Variants in TRPC4AP observed in about 807,000 individuals in gnomAD.
The protein encoded by TRPC4AP is transient receptor potential cation channel subfamily C member 4 associated protein.
Under a neutral mutation model 99.0 loss-of-function variants are expected in TRPC4AP, and 45 were observed. The observed-to-expected ratio is 0.45, with a 90% confidence interval of 0.36 to 0.58. TRPC4AP has a LOEUF of 0.58. Among genes scored for constraint, TRPC4AP ranks in the 20% least tolerant of loss-of-function variants. TRPC4AP has a pLI of 0.00. For synonymous variants in TRPC4AP, 408 were observed against 385.8 expected, an observed-to-expected ratio of 1.06 and a Z score of -0.67; for missense variants, 879 against 985.3, an observed-to-expected ratio of 0.89 and a Z score of 1.44.
At chr20:35,084,753 CATATATATGT>C (rs990886979) in intron 1 of TRPC4AP, among the ~76,000 whole-genome samples, 4 of 144,344 alleles carry the variant, frequency 2.8e-5, no homozygotes, top group African/African-American at 1.1e-4. Flanking sequence ...TGTTTATATG[CATATATATGT>C]ATATGTATAT....
At chr20:35,006,367 C>T in intron 15 of TRPC4AP, 68 bp downstream of exon 15, 1 of 1,573,468 alleles carries the variant, frequency 6.4e-7, no homozygotes, top group East Asian at 2.2e-5. Context: ...TAAAGCCTGG[C>T]AGACCAGGAC....
chr20:35,010,507 G>A (rs989004825), intron 11 of TRPC4AP, among the ~76,000 whole-genome samples: 2 of 137,246 alleles, frequency 1.5e-5, no homozygotes, highest in African/African-American at 2.7e-5. Flanking sequence ...CCCCATCCCC[G>A]ACCCCTGCCT....
intron 16 of TRPC4AP, among the ~76,000 whole-genome samples, chr20:35,005,308 G>A (rs2147261882): frequency 6.6e-6 from 1 of 152,324 alleles, no homozygotes; most frequent in East Asian, 1.9e-4. Context: ...AGGAAAAAAA[G>A]GAAACGCGTG....
At chr20:35,092,580 G>A (rs2085105619) in intron 1 of TRPC4AP, 34 bp downstream of exon 1, 3 of 618,728 alleles carry the variant, frequency 4.8e-6, no homozygotes, top group Non-Finnish European at 4.7e-6. Context: ...CGCCTGGTCC[G>A]CCCCGCCCCG....
chr20:35,080,549 A>AAAC (rs980826057), intron 1 of TRPC4AP, among the ~76,000 whole-genome samples: 6 of 150,374 alleles, frequency 4.0e-5, no homozygotes, highest in African/African-American at 1.5e-4. Flanking sequence ...AAAAAAAAAA[A>AAAC]AAAAAAACCT....
chr20:35,006,409 T>G (rs769319458), intron 15 of TRPC4AP, 26 bp downstream of exon 15: 2 of 1,611,824 alleles, frequency 1.2e-6, no homozygotes, highest in Admixed American at 1.7e-5. Flanking sequence ...CCCAGCACAC[T>G]CCACAGAGCC....
At position 35,003,069 on chromosome 20, in the gene TRPC4AP, G is replaced by A. The variant is rs1009718440; in HGVS notation, c.*77C>T. The stretch of plus-strand genomic sequence containing the variant: ...GGCAGAGAGCAGCAGGGAGGAACGG[G>A]AACAGGGCAGGGCGTGTGGCATCGT... On this transcript the variant is annotated 3_prime_UTR_variant, in exon 19 of 19. Coordinates refer to ENST00000252015, the MANE Select transcript of TRPC4AP (RefSeq NM_015638.3). The A allele has an allele frequency of 1.3e-6, 2 of 1,577,316 alleles. No homozygotes were observed. Among genetic ancestry groups the A allele is most frequent in the African/African-American group, 1.3e-5 (1 of 74,304 alleles).
intron 3 of TRPC4AP, among the ~76,000 whole-genome samples, chr20:35,064,171 C>T (rs569774364): frequency 1.1e-4 from 17 of 152,258 alleles, no homozygotes; most frequent in African/African-American, 1.7e-4. Context: ...TCCCTATATA[C>T]GTATGTATTT....
In TRPC4AP at chr20:35,021,311, A is replaced by C; in HGVS notation, c.1097T>G (p.Leu366Arg). Residue 366 changes from leucine to arginine, a missense_variant, in exon 9 of 19, where the codon CTG becomes CGG. By Grantham distance (102) the Leu-to-Arg change is moderately radical. This residue lies in a region of TRPC4AP where 603 missense variants were observed against 631.8 expected (regional missense o/e 0.95). Transcript: ENST00000252015. ...CTGGGTTCTGGCTGACGTGTGAGGC[A>C]GGCCATTCTCCTCAGAAGCCCCTGG... ...PPPGASEENG[L>R]PHTSARTQLP... is the part of the protein sequence containing the mutation. The C allele has an allele frequency of 6.2e-7, 1 of 1,614,206 alleles. No individual in the cohort carries two copies.
Position 35,024,002 on chromosome 20 carries a change from G to A in TRPC4AP, c.1052-2646C>T, listed in dbSNP as rs1006150406. ...AGCTTAGCAACAAGGTCAGTCCCAA[G>A]GATGAGGATGGGAAAACCAGCTCAC... On this transcript the variant is annotated intron_variant, in intron 8 of 18. Transcript: ENST00000252015. Among the ~76,000 whole-genome samples the A allele has an allele frequency of 3.9e-5, 6 of 152,294 alleles. No homozygotes were observed. In the South Asian group the frequency reaches 1.2e-3, roughly 32 times the overall value.
At chr20:35,090,259 G>C (rs1213662650) in intron 1 of TRPC4AP, among the ~76,000 whole-genome samples, 1 of 151,434 alleles carries the variant, frequency 6.6e-6, no homozygotes, top group Non-Finnish European at 1.5e-5. Context: ...TCCAGGCAGG[G>C]GGTCTCTACT....
At chr20:35,008,520 T>C (rs1470604698) in intron 13 of TRPC4AP, 144 bp downstream of exon 13, 2 of 690,688 alleles carry the variant, frequency 2.9e-6, no homozygotes, top group South Asian at 1.8e-5. Context: ...CTACACAAGA[T>C]GGCAGTCAAA....
intron 1 of TRPC4AP, among the ~76,000 whole-genome samples, chr20:35,080,956 G>A (rs1286247027): frequency 6.6e-6 from 1 of 152,140 alleles, no homozygotes; most frequent in Non-Finnish European, 1.5e-5. Context: ...GGATGACAAT[G>A]TTCTAAAACC....
At position 35,044,787 on chromosome 20, in the gene TRPC4AP, C is replaced by T. The variant is rs375425426; in HGVS notation, c.658-75G>A. Reference sequence around the variant, plus strand: ...ATTGGATGTGCCTCTCTTTCGCATCCCCTTACATACGGGGCTTAGTGGCTA... The same window carrying T: ...ATTGGATGTGCCTCTCTTTCGCATCTCCTTACATACGGGGCTTAGTGGCTA... On this transcript the variant is annotated intron_variant, in intron 6 of 18. Transcript: ENST00000252015. 12 of 1,442,936 alleles carry T rather than the reference C, an allele frequency of 8.3e-6. 1 individual carries two copies. The highest frequency in any genetic ancestry group is 5.6e-5 in the African/African-American group (4 of 71,600). The allele number at this position is 1,442,936 out of a possible 1,614,324, so 89.4% of individuals were successfully genotyped here.
At chr20:35,050,126 C>T (rs2083659337) in intron 5 of TRPC4AP, 132 bp from the exon 6 acceptor site, 2 of 975,766 alleles carry the variant, frequency 2.0e-6, no homozygotes, top group South Asian at 1.8e-5. Context: ...ACAGGAATGG[C>T]ATGGCTTAAC....
At chr20:35,048,955 C>T (rs568113253) in intron 6 of TRPC4AP, among the ~76,000 whole-genome samples, 1 of 152,174 alleles carries the variant, frequency 6.6e-6, no homozygotes, top group Non-Finnish European at 1.5e-5. Context: ...ACAAGCAAGG[C>T]CTGGGGAAAG....
At chr20:35,052,781 C>T (rs1444189152) in intron 5 of TRPC4AP, among the ~76,000 whole-genome samples, 3 of 152,156 alleles carry the variant, frequency 2.0e-5, no homozygotes, top group African/African-American at 4.8e-5. Context: ...TGATAGCCAC[C>T]GTGCCCGGCC....
chr20:35,056,140 C>T lies in TRPC4AP; in HGVS notation c.473-1109G>A, dbSNP rs1299553097. Among the ~76,000 whole-genome samples the T allele has an allele frequency of 2.0e-5, 3 of 152,220 alleles. No individual in the cohort carries two copies. In the East Asian group the frequency reaches 5.8e-4, roughly 29 times the overall value. Reference sequence around the variant, plus strand: ...GAGACAACGCAGACGCTCTGCATCCCTTATCACCACCTTTCAACCTACTGG... The same window carrying T: ...GAGACAACGCAGACGCTCTGCATCCTTTATCACCACCTTTCAACCTACTGG... On this transcript the variant is annotated intron_variant, in intron 4 of 18. Coordinates refer to ENST00000252015, the MANE Select transcript of TRPC4AP (RefSeq NM_015638.3).
chr20:35,040,942 G>A (rs1239512153), intron 7 of TRPC4AP, among the ~76,000 whole-genome samples: 5 of 151,276 alleles, frequency 3.3e-5, no homozygotes, highest in East Asian at 1.9e-4. Context: ...GCCCTAAACC[G>A]AGAGGACTGG....
Sources: gnomAD v4.1 joint callset for allele counts (sites outside exome capture counted in the v4.1 genomes callset) on GRCh38, gnomAD v4.1.1 for gene constraint, gnomAD v4.1.1 regional missense constraint, MANE v1.5 for transcripts, NCBI Gene and HGNC (gene_info 2026-07-23, HGNC 2026-07-21) for gene names.